The following IL16 variants were observed in gnomAD, a reference collection of about 807,000 sequenced individuals.
The protein encoded by IL16 is pro-interleukin-16.
In IL16, 67 loss-of-function variants were observed where a neutral mutation model predicts 110.1. The ratio of observed to expected loss-of-function variants is 0.61; its 90% CI spans 0.50 to 0.75. The LOEUF (loss-of-function observed/expected upper bound fraction) is 0.75. Ranked by LOEUF, IL16 falls within the 30% of genes least tolerant of loss-of-function variation. IL16 has a pLI of 0.00. For synonymous variants in IL16, 689 were observed against 662.9 expected (o/e 1.04, Z -0.61); for missense variants, 1,545 against 1,655.0 (o/e 0.93, Z 1.15).
chr15:81,210,875 C>A (rs1217115536), intron 1 of IL16, among the ~76,000 whole-genome samples: 5 of 152,140 alleles, frequency 3.3e-5, no homozygotes, highest in Non-Finnish European at 5.9e-5. Context: ...ACTTCCAGTA[C>A]TATGTTGAAT....
At position 81,297,046 on chromosome 15, in the gene IL16, A is replaced by C. The variant is rs1038053856; in HGVS notation, c.2021A>C (p.Glu674Ala). The change falls in exon 13 of 19, where the codon GAG (glutamate) becomes GCG (alanine). Residue 674 changes from glutamate to alanine, a missense_variant. Transcript: ENST00000683961. ...GIGPQTKSST[E>A]GEPGWRRASP... ...GGCCCACAGACCAAGTCCTCCACAG[A>C]GGGCGAGCCAGGGTGGAGAAGAGCC... 2 of 1,613,576 alleles carry C rather than the reference A, an allele frequency of 1.2e-6. No homozygotes were observed. The highest frequency in any genetic ancestry group is 2.7e-5 in the African/African-American group (2 of 74,886).
chr15:81,278,965 C>T (rs1049749263), intron 7 of IL16, 75 bp downstream of exon 7: 3 of 984,186 alleles, frequency 3.0e-6, no homozygotes, highest in Non-Finnish European at 5.0e-6. Flanking sequence ...AGCATCCAAA[C>T]CTACAAATTC....
At chr15:81,203,355 G>A (rs1895892946) in intron 1 of IL16, among the ~76,000 whole-genome samples, 1 of 152,136 alleles carries the variant, frequency 6.6e-6, no homozygotes, top group Non-Finnish European at 1.5e-5. Context: ...TTTGTCTTTT[G>A]TTGCCATTGC....
At chr15:81,291,486 G>A (rs1899715162) in intron 11 of IL16, among the ~76,000 whole-genome samples, 2 of 152,144 alleles carry the variant, frequency 1.3e-5, no homozygotes, top group South Asian at 2.1e-4. Flanking sequence ...AAGAGAAAGT[G>A]AGTTAGGAGC....
chr15:81,207,259 AAAC>A (rs1328697858), intron 1 of IL16, among the ~76,000 whole-genome samples: 15 of 147,702 alleles, frequency 1.0e-4, no homozygotes, highest in African/African-American at 3.0e-4. Context: ...AAAAAAAAAA[AAAC>A]AAAAAAAAGA....
At chr15:81,280,422 T>C (rs1412630650) in intron 8 of IL16, among the ~76,000 whole-genome samples, 1 of 152,220 alleles carries the variant, frequency 6.6e-6, no homozygotes, top group Non-Finnish European at 1.5e-5. Flanking sequence ...AGAGACCCTG[T>C]GGGGCTTTGC....
At position 81,300,100 on chromosome 15, in the gene IL16, C is replaced by T. The variant is rs566966530; in HGVS notation, c.2774C>T (p.Pro925Leu). The T allele has an allele frequency of 6.3e-7, 1 of 1,583,942 alleles. No individual in the cohort carries two copies. The highest frequency in any genetic ancestry group is 8.6e-7 in the Non-Finnish European group (1 of 1,165,738). ...CCAGGTGTGTCTGAGTCCCCTCCCC[C>T]AGGGCGGCAGCCCAATCAGAAAACT... ...RDPGVSESPP[P>L]GRQPNQKTLP... The change falls in exon 14 of 19, where the codon CCA becomes CTA. Residue 925 changes from proline (P) to leucine (L), a missense_variant. Transcript: ENST00000683961.
chr15:81,308,169 A>T (rs11632978), intron 18 of IL16, among the ~76,000 whole-genome samples: 12,239 of 152,290 alleles, frequency 0.08, 566 homozygotes, highest in Middle Eastern at 0.19. Flanking sequence ...TTGCACAAAA[A>T]TCTCACTAGC....
intron 6 of IL16, among the ~76,000 whole-genome samples, chr15:81,275,094 G>A (rs1379674983): frequency 6.6e-6 from 1 of 151,812 alleles, no homozygotes; most frequent in Non-Finnish European, 1.5e-5. Context: ...AAGGTTTCTG[G>A]TCTTAGTAAA....
chr15:81,208,364 A>C (rs1896112886), intron 1 of IL16, among the ~76,000 whole-genome samples: 1 of 152,194 alleles, frequency 6.6e-6, no homozygotes, highest in African/African-American at 2.4e-5. Context: ...GCTGTGCAGA[A>C]GCTCGTTAGC....
intron 1 of IL16, among the ~76,000 whole-genome samples, chr15:81,213,962 A>G (rs1896337383): frequency 6.6e-6 from 1 of 151,982 alleles, no homozygotes; most frequent in Non-Finnish European, 1.5e-5. Flanking sequence ...TGATTGTTAT[A>G]TAGATTTGAT....
chr15:81,205,170 G>A (rs1188092656), intron 1 of IL16, among the ~76,000 whole-genome samples: 3 of 151,986 alleles, frequency 2.0e-5, no homozygotes, highest in Non-Finnish European at 4.4e-5. Context: ...GCCGGGCATA[G>A]TGGCACGTGC....
intron 1 of IL16, among the ~76,000 whole-genome samples, chr15:81,189,429 C>T (rs1359621450): frequency 6.6e-6 from 1 of 152,052 alleles, no homozygotes; most frequent in Non-Finnish European, 1.5e-5. Flanking sequence ...TGGCCCATAC[C>T]AAGCTAATTT....
At chr15:81,237,582 G>A (rs11856780) in intron 2 of IL16, among the ~76,000 whole-genome samples, 37,053 of 152,002 alleles carry the variant, frequency 0.24, 5,308 homozygotes, top group African/African-American at 0.4. Context: ...AAACCTTACC[G>A]TTAACTTTGA....
chr15:81,300,314 G>A lies in IL16; in HGVS notation c.2988G>A (p.Ser996=), dbSNP rs369627992. ...ATTCTATCAGCAGCCAAGTGTCATC[G>A]GCTGTCATGAAATCCTTGCTGTGCC... ...KLYSISSQVS[S]AVMKSLLCLP... is the part of the protein sequence containing the mutation. The change falls in exon 14 of 19, where the codon TCG becomes TCA. Residue 996 remains serine, a synonymous_variant. Transcript: ENST00000683961. The A allele has an allele frequency of 5.7e-5, 92 of 1,614,036 alleles. No homozygotes were observed. The highest frequency in any genetic ancestry group is 1.6e-4 in the Middle Eastern group (1 of 6,082).
intron 9 of IL16, 98 bp from the exon 10 acceptor site, chr15:81,285,600 C>T (rs1899409292): frequency 7.6e-7 from 1 of 1,320,814 alleles, no homozygotes; most frequent in South Asian, 1.4e-5. Context: ...TTTTATATCT[C>T]ATCAAACAGC....
At chr15:81,282,411 C>T (rs1192344551) in intron 8 of IL16, among the ~76,000 whole-genome samples, 1 of 152,232 alleles carries the variant, frequency 6.6e-6, no homozygotes, top group African/African-American at 2.4e-5. Context: ...TCCTTCCCTT[C>T]CTCCCTCCTT....
rs1421231584 is a variant in IL16, at chr15:81,265,564, G to A, written c.422-95G>A. ...TGTTAAGTGGTTTACAGTCACACTG[G>A]CCCCTGGCTAATGAGGGGCTGATAT... On this transcript the variant is annotated intron_variant, in intron 3 of 18. Transcript: ENST00000683961. 2.2e-6 allele frequency: 3 copies of A among 1,391,418 alleles called. No homozygotes were observed. The African/African-American group carries it at 4.3e-5, about 20-fold the overall frequency. The allele number at this position is 1,391,418 out of a possible 1,614,324, so 86.2% of individuals were successfully genotyped here.
rs1897099436 is a variant in IL16 at position 81,233,956 on chromosome 15, A to G, written c.312+8245A>G. 3.9e-5 allele frequency among the ~76,000 whole-genome samples: 6 copies of G among 152,186 alleles called. No homozygotes were observed. In the South Asian group the frequency reaches 1.2e-3, roughly 32 times the overall value. Reference sequence around the variant, plus strand: ...TTTTTGCCTTATATATTTTGAAGCTATACTCTATGTGCATAGACCTTTATA... The same window carrying G: ...TTTTTGCCTTATATATTTTGAAGCTGTACTCTATGTGCATAGACCTTTATA... On this transcript the variant is annotated intron_variant, in intron 2 of 18. Transcript: ENST00000683961.
Sources: allele counts gnomAD v4.1 joint callset (sites outside exome capture counted in the v4.1 genomes callset), GRCh38; gene constraint gnomAD v4.1.1; transcripts MANE v1.5; gene names NCBI Gene and HGNC (gene_info 2026-07-23, HGNC 2026-07-21).